SPECC1L: variants seen among roughly 807,000 people sequenced by gnomAD.
The protein encoded by SPECC1L is cytospin-A.
In SPECC1L, 40 loss-of-function variants were observed where a neutral mutation model predicts 116.8. That is an observed-to-expected ratio of 0.34 (90% confidence interval 0.27 to 0.45). SPECC1L has a LOEUF of 0.45. Ranked by LOEUF, SPECC1L falls within the 20% of genes least tolerant of loss-of-function variation. The pLI is 1.00. For missense variants in SPECC1L, 1,110 were observed against 1,373.6 expected (o/e 0.81, Z 3.03); for synonymous variants, 504 against 500.6 (o/e 1.01, Z -0.09).
chr22:24,317,363 C>G (rs2040605913), intron 4 of SPECC1L, among the ~76,000 whole-genome samples: 1 of 117,366 alleles, frequency 8.5e-6, no homozygotes, highest in Non-Finnish European at 1.9e-5. Context: ...GGCAGAGGGG[C>G]TCCTCACTTC....
chr22:24,354,165 C>T (rs539523727), intron 11 of SPECC1L, among the ~76,000 whole-genome samples: 12 of 152,276 alleles, frequency 7.9e-5, no homozygotes, highest in African/African-American at 2.9e-4. Flanking sequence ...GGATCTGCTC[C>T]TATGACCCGG....
intron 11 of SPECC1L, among the ~76,000 whole-genome samples, chr22:24,350,459 A>G (rs766356224): frequency 3.9e-5 from 6 of 152,160 alleles, no homozygotes; most frequent in Non-Finnish European, 8.8e-5. Flanking sequence ...CTTAGCGCCA[A>G]TTCTATCCCA....
chr22:24,330,500 T>G, intron 8 of SPECC1L, 69 bp downstream of exon 8: 1 of 1,536,300 alleles, frequency 6.5e-7, no homozygotes, highest in Non-Finnish European at 9.0e-7. Context: ...ATTTTTGATG[T>G]GGTGCTATGG....
intron 14 of SPECC1L, among the ~76,000 whole-genome samples, chr22:24,386,321 A>C (rs2042159903): frequency 6.6e-6 from 1 of 152,018 alleles, no homozygotes; most frequent in South Asian, 2.1e-4. Context: ...GTAAAGCTCT[A>C]TTGGGAGGCT....
intron 11 of SPECC1L, among the ~76,000 whole-genome samples, chr22:24,351,472 G>A (rs1280575886): frequency 2.0e-5 from 3 of 152,106 alleles, no homozygotes; most frequent in Non-Finnish European, 2.9e-5. Flanking sequence ...TGCATCAAAC[G>A]GTAGTGCCAG....
chr22:24,324,562 C>T lies in SPECC1L; in HGVS notation c.2146+135C>T, dbSNP rs527289857. The stretch of plus-strand genomic sequence containing the variant: ...TTCCAGCACTTTGGGAGTTCAAAAC[C>T]GAACCAGGCTGGGCACAGTGGCTCA... On this transcript the variant is annotated intron_variant, in intron 6 of 16. Transcript: ENST00000314328. The T allele has an allele frequency of 3.9e-5, 31 of 804,974 alleles. 1 individual carries two copies. The East Asian group carries it at 5.7e-4, about 15-fold the overall frequency. 49.9% of individuals were successfully genotyped at this position (804,974 alleles called of 1,614,324 possible).
chr22:24,390,852 C>CTTTT (rs60006066), intron 14 of SPECC1L, among the ~76,000 whole-genome samples: 5 of 48,540 alleles, frequency 1.0e-4, no homozygotes, highest in Non-Finnish European at 8.1e-5. Flanking sequence ...GCCTGTGTTC[C>CTTTT]TTTTTTTTTT....
At chr22:24,325,499 G>C (rs1184994168) in intron 6 of SPECC1L, among the ~76,000 whole-genome samples, 1 of 152,078 alleles carries the variant, frequency 6.6e-6, no homozygotes, top group African/African-American at 2.4e-5. Flanking sequence ...TTCTGTCTGA[G>C]TATTTCCACT....
intron 4 of SPECC1L, among the ~76,000 whole-genome samples, chr22:24,316,957 A>G (rs8136943): frequency 0.35 from 24,028 of 68,584 alleles, 6,428 homozygotes; most frequent in Admixed American, 0.43. Flanking sequence ...CGGGCCGAGG[A>G]GCTCCTCACT....
At chr22:24,317,841 C>G (rs1247306061) in intron 4 of SPECC1L, among the ~76,000 whole-genome samples, 2 of 151,518 alleles carry the variant, frequency 1.3e-5, no homozygotes, top group Non-Finnish European at 2.9e-5. Context: ...CCTCACTTCT[C>G]AGATGGTGCG....
At chr22:24,380,465 G>A (rs950767663) in intron 14 of SPECC1L, among the ~76,000 whole-genome samples, 3 of 152,122 alleles carry the variant, frequency 2.0e-5, no homozygotes, top group South Asian at 2.1e-4. Context: ...TGGAACGTGC[G>A]TGCTTTATGA....
rs1168635089 is a variant in SPECC1L at position 24,308,617 on chromosome 22, G to C, written c.154-4696G>C. 2.6e-5 allele frequency among the ~76,000 whole-genome samples: 4 copies of C among 152,042 alleles called. No homozygotes were observed. In the East Asian group the frequency reaches 7.7e-4, roughly 29 times the overall value. On this transcript the variant is annotated intron_variant, in intron 3 of 16. Coordinates refer to ENST00000314328, the MANE Select transcript of SPECC1L (RefSeq NM_015330.6). ...CGCTCTTGTAATTAATAAGTAGCTT[G>C]TCAGAGATACTTTGAAACTTTGTAC...
At chr22:24,369,523 C>G (rs1344662457) in intron 14 of SPECC1L, among the ~76,000 whole-genome samples, 4 of 152,094 alleles carry the variant, frequency 2.6e-5, no homozygotes, top group Non-Finnish European at 5.9e-5. Flanking sequence ...ATGGCAAAAC[C>G]CTGTCTCTAC....
At chr22:24,323,856 C>T (rs556392684) in intron 5 of SPECC1L, among the ~76,000 whole-genome samples, 1 of 152,240 alleles carries the variant, frequency 6.6e-6, no homozygotes, top group East Asian at 1.9e-4. Context: ...ATACTGGAAC[C>T]GTCACAAATA....
chr22:24,291,579 G>A (rs2049157322), intron 2 of SPECC1L, among the ~76,000 whole-genome samples: 1 of 151,814 alleles, frequency 6.6e-6, no homozygotes, highest in South Asian at 2.1e-4. Context: ...CTTTTGAATT[G>A]CTGCTTTTAT....
chr22:24,391,276 T>C (rs2042270305), intron 14 of SPECC1L, among the ~76,000 whole-genome samples: 1 of 152,172 alleles, frequency 6.6e-6, no homozygotes. Flanking sequence ...TTCCTTTTAA[T>C]GTCAAACATA....
chr22:24,398,158 G>A (rs749376957), intron 14 of SPECC1L, among the ~76,000 whole-genome samples: 29 of 152,204 alleles, frequency 1.9e-4, no homozygotes, highest in Non-Finnish European at 3.8e-4. Flanking sequence ...GGGGCCAAGG[G>A]AACACTCTTG....
At chr22:24,352,984 C>T (rs902981251) in intron 11 of SPECC1L, among the ~76,000 whole-genome samples, 2 of 152,128 alleles carry the variant, frequency 1.3e-5, no homozygotes, top group Non-Finnish European at 2.9e-5. Flanking sequence ...TAATCACTAC[C>T]CTTCAGCATG....
chr22:24,363,127 T>G (rs553182720), intron 11 of SPECC1L, 134 bp from the exon 12 acceptor site: 1 of 778,048 alleles, frequency 1.3e-6, no homozygotes, highest in Non-Finnish European at 2.2e-6. Context: ...TATGGGAAAT[T>G]GTTGAAGTTC....
Sources: gnomAD v4.1 joint callset for allele counts (sites outside exome capture counted in the v4.1 genomes callset) on GRCh38, gnomAD v4.1.1 for gene constraint, MANE v1.5 for transcripts, NCBI Gene and HGNC (gene_info 2026-07-23, HGNC 2026-07-21) for gene names.